Variants in NOS1AP observed in about 807,000 individuals in gnomAD.
NOS1AP encodes carboxyl-terminal PDZ ligand of neuronal nitric oxide synthase protein.
In NOS1AP, 21 loss-of-function variants were observed where a neutral mutation model predicts 56.2. The ratio of observed to expected loss-of-function variants is 0.37; its 90% confidence interval spans 0.26 to 0.54. The LOEUF (loss-of-function observed/expected upper bound fraction) is 0.54, where lower values mean the gene tolerates loss of function less well. Ranked by LOEUF, NOS1AP falls within the 20% of genes least tolerant of loss-of-function variation. NOS1AP has a pLI of 0.84. For synonymous variants in NOS1AP, 270 were observed against 274.6 expected (o/e 0.98, Z 0.17); for missense variants, 522 against 657.8 (o/e 0.79, Z 2.26).
At chr1:162,135,844 GA>G (rs753782835) in intron 1 of NOS1AP, among the ~76,000 whole-genome samples, 2 of 152,150 alleles carry the variant, frequency 1.3e-5, no homozygotes, top group Non-Finnish European at 2.9e-5. Context: ...ATTTGTTTAG[GA>G]ATGGAATATT....
intron 4 of NOS1AP, among the ~76,000 whole-genome samples, chr1:162,312,664 T>C (rs1656080342): frequency 6.6e-6 from 1 of 151,516 alleles, no homozygotes; most frequent in Admixed American, 6.6e-5. Context: ...TGCCCATGCC[T>C]ATGTCCTGAA....
intron 3 of NOS1AP, among the ~76,000 whole-genome samples, chr1:162,289,276 C>T (rs548476960): frequency 2.1e-5 from 1 of 46,952 alleles, no homozygotes; most frequent in Non-Finnish European, 4.0e-5. Flanking sequence ...TTCCTTCCTT[C>T]CTTTCCTTCC....
chr1:162,121,006 A>T (rs1648190625), intron 1 of NOS1AP, among the ~76,000 whole-genome samples: 1 of 151,596 alleles, frequency 6.6e-6, no homozygotes, highest in Non-Finnish European at 1.5e-5. Context: ...TGAGGAACTC[A>T]GCTGGGTGAT....
At chr1:162,322,695 T>C (rs1656461068) in intron 4 of NOS1AP, among the ~76,000 whole-genome samples, 1 of 152,188 alleles carries the variant, frequency 6.6e-6, no homozygotes, top group Non-Finnish European at 1.5e-5. Context: ...ACGTGTCCCC[T>C]GAAAATCTTA....
At chr1:162,084,577 T>C (rs991546089) in intron 1 of NOS1AP, among the ~76,000 whole-genome samples, 1 of 152,180 alleles carries the variant, frequency 6.6e-6, no homozygotes, top group East Asian at 1.9e-4. Context: ...GTTGCCACTA[T>C]CAGGAGGGAG....
chr1:162,255,873 G>A (rs1003557413), intron 2 of NOS1AP, among the ~76,000 whole-genome samples: 9 of 152,164 alleles, frequency 5.9e-5, no homozygotes, highest in South Asian at 2.1e-4. Context: ...TGCTGGGTGC[G>A]GTGGCTTACG....
intron 2 of NOS1AP, among the ~76,000 whole-genome samples, chr1:162,215,046 T>A (rs940573375): frequency 6.6e-6 from 1 of 152,230 alleles, no homozygotes; most frequent in African/African-American, 2.4e-5. Flanking sequence ...CAACCCACCG[T>A]GATAGGGCTT....
chr1:162,297,316 A>G (rs1655497304), intron 3 of NOS1AP, among the ~76,000 whole-genome samples: 1 of 152,220 alleles, frequency 6.6e-6, no homozygotes, highest in African/African-American at 2.4e-5. Flanking sequence ...GCATGAGAGA[A>G]GTGAAGATGC....
At chr1:162,070,309 C>A in intron 1 of NOS1AP, 27 bp downstream of exon 1, 1 of 1,579,344 alleles carries the variant, frequency 6.3e-7, no homozygotes, top group Non-Finnish European at 8.7e-7. Flanking sequence ...GAGGGTGCTA[C>A]CTGTGGTGGC....
chr1:162,315,807 A>T (rs1270008514), intron 4 of NOS1AP, among the ~76,000 whole-genome samples: 1 of 152,202 alleles, frequency 6.6e-6, no homozygotes, highest in Non-Finnish European at 1.5e-5. Context: ...CACATCCACC[A>T]GGAATGCTTT....
chr1:162,321,107 A>G lies in NOS1AP; in HGVS notation c.345-11910A>G, dbSNP rs189158779. On this transcript the variant is annotated intron_variant, in intron 4 of 9. Coordinates refer to ENST00000361897, the MANE Select transcript of NOS1AP (RefSeq NM_014697.3). ...TAATCCATCTTGAATTAATTTTTGT[A>G]TAAGGTGTAAGGAAGGGATCCAGTT... Among the ~76,000 whole-genome samples, 211 of 152,260 alleles carry G rather than the reference A, an allele frequency of 1.4e-3. 3 individuals carry two copies. The highest frequency in any genetic ancestry group is 4.6e-3 in the African/African-American group (193 of 41,544).
chr1:162,289,494 A>T (rs1389274241), intron 3 of NOS1AP, among the ~76,000 whole-genome samples: 9 of 31,838 alleles, frequency 2.8e-4, no homozygotes, highest in South Asian at 9.2e-4. Context: ...TTTTTTTTTG[A>T]GACGGAGTCT....
At chr1:162,121,334 G>T (rs1382953857) in intron 1 of NOS1AP, among the ~76,000 whole-genome samples, 1 of 151,954 alleles carries the variant, frequency 6.6e-6, no homozygotes, top group Non-Finnish European at 1.5e-5. Context: ...GGCCAGGCTG[G>T]TCTCGAACTC....
chr1:162,321,724 A>AT (rs1656420570), intron 4 of NOS1AP, among the ~76,000 whole-genome samples: 2 of 110,458 alleles, frequency 1.8e-5, no homozygotes, highest in Non-Finnish European at 3.8e-5. Flanking sequence ...ATAATTAAAA[A>AT]AAAAAAAATA....
intron 4 of NOS1AP, among the ~76,000 whole-genome samples, chr1:162,306,000 A>G (rs969465495): frequency 2.6e-5 from 4 of 152,218 alleles, no homozygotes; most frequent in African/African-American, 4.8e-5. Flanking sequence ...CAGGATTTCA[A>G]TCAGGGAAGC....
At chr1:162,326,908 A>C (rs914929007) in intron 4 of NOS1AP, among the ~76,000 whole-genome samples, 1 of 152,364 alleles carries the variant, frequency 6.6e-6, no homozygotes, top group African/African-American at 2.4e-5. Context: ...TGAAGACAAC[A>C]TAATTGATTC....
chr1:162,207,297 T>TAA (rs1652191770), intron 2 of NOS1AP, among the ~76,000 whole-genome samples: 1 of 152,180 alleles, frequency 6.6e-6, no homozygotes, highest in South Asian at 2.1e-4. Context: ...GAAACCCTTG[T>TAA]AAAATCACCG....
intron 2 of NOS1AP, among the ~76,000 whole-genome samples, chr1:162,206,134 G>A (rs1199147323): frequency 6.6e-6 from 1 of 152,152 alleles, no homozygotes; most frequent in African/African-American, 2.4e-5. Context: ...GGGAAAAGAG[G>A]AAAATGTGTG....
chr1:162,171,858 A>G (rs937357900), intron 2 of NOS1AP, among the ~76,000 whole-genome samples: 2 of 152,078 alleles, frequency 1.3e-5, no homozygotes, highest in Admixed American at 6.6e-5. Flanking sequence ...CCTTTCATGG[A>G]ATCTCCCTGT....
Sources: gnomAD v4.1 joint callset for allele counts (sites outside exome capture counted in the v4.1 genomes callset) on GRCh38, gnomAD v4.1.1 for gene constraint, MANE v1.5 for transcripts, NCBI Gene and HGNC (gene_info 2026-07-23, HGNC 2026-07-21) for gene names.